Variants in PTPRT observed in about 807,000 individuals in gnomAD.
PTPRT encodes the protein protein tyrosine phosphatase receptor type T, also known as receptor-type tyrosine-protein phosphatase T.
In PTPRT, 56 loss-of-function variants were observed where a neutral mutation model predicts 176.8. That is an observed-to-expected ratio of 0.32 (90% confidence interval 0.26 to 0.40). PTPRT has a LOEUF of 0.40. Among genes scored for constraint, PTPRT ranks in the 10% least tolerant of loss-of-function variants. PTPRT has a pLI of 1.00. For synonymous variants in PTPRT, 783 were observed against 739.0 expected (o/e 1.06, Z -0.96); for missense variants, 1,540 against 1,908.2 (o/e 0.81, Z 3.60).
At chr20:42,976,174 T>C (rs1054738366) in intron 1 of PTPRT, among the ~76,000 whole-genome samples, 2 of 152,162 alleles carry the variant, frequency 1.3e-5, no homozygotes, top group African/African-American at 4.8e-5. Context: ...CATTATACCA[T>C]ATGGCAGCTT....
At chr20:42,932,235 G>A (rs1979902169) in intron 1 of PTPRT, among the ~76,000 whole-genome samples, 1 of 152,222 alleles carries the variant, frequency 6.6e-6, no homozygotes, top group Non-Finnish European at 1.5e-5. Flanking sequence ...GCCAAGCCTA[G>A]GGGAAATCTG....
At chr20:42,691,581 G>T (rs923826137) in intron 6 of PTPRT, among the ~76,000 whole-genome samples, 1 of 152,134 alleles carries the variant, frequency 6.6e-6, no homozygotes, top group African/African-American at 2.4e-5. Context: ...TTTAAGAGAT[G>T]ACACCCTCCC....
At chr20:43,117,562 T>G (rs537699387) in intron 1 of PTPRT, among the ~76,000 whole-genome samples, 13 of 152,068 alleles carry the variant, frequency 8.5e-5, no homozygotes, top group African/African-American at 2.7e-4. Flanking sequence ...CTGAGCCATA[T>G]CTCCAAGCTC....
intron 5 of PTPRT, among the ~76,000 whole-genome samples, chr20:42,769,519 G>C (rs2077032825): frequency 6.6e-6 from 1 of 152,140 alleles, no homozygotes; most frequent in Admixed American, 6.5e-5. Context: ...ATAGACTGCT[G>C]GTAGGAATGT....
intron 13 of PTPRT, among the ~76,000 whole-genome samples, chr20:42,263,210 C>G (rs767407505): frequency 1.3e-5 from 2 of 151,818 alleles, no homozygotes; most frequent in East Asian, 1.9e-4. Context: ...TAGACTCTCT[C>G]TCTTTTTTCT....
chr20:42,588,820 T>C (rs746499056), intron 7 of PTPRT, among the ~76,000 whole-genome samples: 40 of 152,160 alleles, frequency 2.6e-4, no homozygotes, highest in Non-Finnish European at 5.0e-4. Flanking sequence ...ACTAAGTGTT[T>C]ATTGTGTGCT....
At chr20:42,638,565 C>G (rs2074662111) in intron 7 of PTPRT, among the ~76,000 whole-genome samples, 1 of 152,074 alleles carries the variant, frequency 6.6e-6, no homozygotes, top group African/African-American at 2.4e-5. Context: ...TTACTTATGA[C>G]TAAATGAATC....
intron 7 of PTPRT, among the ~76,000 whole-genome samples, chr20:42,581,530 T>TA (rs11468207): frequency 3.0e-3 from 403 of 133,670 alleles, no homozygotes; most frequent in Non-Finnish European, 4.5e-3. Flanking sequence ...GGTGGCTGCA[T>TA]AAAAAAAAAA....
Position 42,119,942 on chromosome 20 carries a change from C to G in PTPRT, c.2877G>C (p.Ala959=). 6.2e-7 allele frequency: 1 copy of G among 1,608,596 alleles called. No homozygotes were observed. Among genetic ancestry groups the G allele is most frequent in the South Asian group, 1.1e-5 (1 of 90,314 alleles). ...TGGAGGGAGGGCACTTACCTTGAGT[C>G]GCAATGTAGTGCCGAGGTCGATGGT... ...DGYHRPRHYI[A]TQGPMQETVK... The change falls in exon 20 of 31, where the codon GCG becomes GCC. Residue 959 remains alanine, a synonymous_variant. Coordinates refer to ENST00000373187, the MANE Select transcript of PTPRT (RefSeq NM_007050.6).
intron 6 of PTPRT, among the ~76,000 whole-genome samples, chr20:42,702,600 G>A (rs930076166): frequency 3.9e-5 from 6 of 152,136 alleles, no homozygotes; most frequent in South Asian, 2.1e-4. Flanking sequence ...AACAGTGGCC[G>A]TCCAGCACCC....
intron 1 of PTPRT, among the ~76,000 whole-genome samples, chr20:42,964,140 G>C (rs1982159748): frequency 6.6e-6 from 1 of 152,134 alleles, no homozygotes; most frequent in South Asian, 2.1e-4. Context: ...CATTAAGTGA[G>C]ATAAAATTCA....
chr20:42,438,975 C>T (rs79845552), intron 9 of PTPRT, among the ~76,000 whole-genome samples: 272 of 152,354 alleles, frequency 1.8e-3, no homozygotes, highest in Non-Finnish European at 2.9e-3. Flanking sequence ...AAGTCACTCA[C>T]ATCAGAATGC....
intron 1 of PTPRT, among the ~76,000 whole-genome samples, chr20:42,967,058 CTT>C (rs955833012): frequency 2.0e-5 from 3 of 152,150 alleles, no homozygotes; most frequent in Non-Finnish European, 4.4e-5. Flanking sequence ...TGATATGACT[CTT>C]TAGCAGACGA....
chr20:42,908,685 T>A (rs1244304341), intron 1 of PTPRT, among the ~76,000 whole-genome samples: 4 of 152,196 alleles, frequency 2.6e-5, no homozygotes, highest in African/African-American at 9.6e-5. Flanking sequence ...ACTTTAAGGC[T>A]GTGGTCAAGT....
rs527731968 is a variant in PTPRT at position 42,681,380 on chromosome 20, C to A, written c.860-3221G>T. Among the ~76,000 whole-genome samples the A allele has an allele frequency of 5.3e-5, 8 of 152,244 alleles. No homozygotes were observed. In the South Asian group the frequency reaches 1.0e-3, roughly 20 times the overall value. ...AACAAAGTGTAGTAAAGTCATGATG[C>A]GGGTGGCAGAGGCAGTTTTGAAGCC... is the stretch of plus-strand genomic sequence containing the variant. On this transcript the variant is annotated intron_variant, in intron 6 of 30. Coordinates refer to ENST00000373187, the MANE Select transcript of PTPRT (RefSeq NM_007050.6).
At chr20:42,818,468 C>G (rs2077830787) in intron 2 of PTPRT, among the ~76,000 whole-genome samples, 1 of 152,086 alleles carries the variant, frequency 6.6e-6, no homozygotes, top group African/African-American at 2.4e-5. Flanking sequence ...CACAAAAGGC[C>G]AGAGTGCCTT....
At chr20:42,244,280 G>A (rs1250308121) in intron 14 of PTPRT, among the ~76,000 whole-genome samples, 1 of 152,138 alleles carries the variant, frequency 6.6e-6, no homozygotes, top group Non-Finnish European at 1.5e-5. Context: ...ACAGAGAATT[G>A]ATGTATAACC....
chr20:42,883,134 G>C (rs1267345118), intron 2 of PTPRT, among the ~76,000 whole-genome samples: 1 of 152,134 alleles, frequency 6.6e-6, no homozygotes, highest in African/African-American at 2.4e-5. Flanking sequence ...ACAGAAGCTG[G>C]GTAGAGACAA....
chr20:42,235,775 C>T (rs1362560178), intron 15 of PTPRT, among the ~76,000 whole-genome samples: 1 of 152,184 alleles, frequency 6.6e-6, no homozygotes, highest in Non-Finnish European at 1.5e-5. Flanking sequence ...TCCCTGCAGA[C>T]TTTCTGAAAT....
Sources: allele counts gnomAD v4.1 joint callset (sites outside exome capture counted in the v4.1 genomes callset), GRCh38; gene constraint gnomAD v4.1.1; transcripts MANE v1.5; gene names NCBI Gene and HGNC (gene_info 2026-07-23, HGNC 2026-07-21).